The following CRACDL variants were observed in gnomAD, a reference collection of about 807,000 sequenced individuals.
CRACDL encodes CRACD-like protein.
CRACDL carries 26 observed loss-of-function variants against 70.6 expected under a neutral mutation model. The observed-to-expected ratio is 0.37, with a 90% confidence interval of 0.27 to 0.51. CRACDL has a LOEUF of 0.51. CRACDL is among the 20% of genes least tolerant of loss of function. CRACDL has a pLI of 0.94. For missense variants in CRACDL, 1,283 were observed against 1,376.9 expected, an observed-to-expected ratio of 0.93 and a Z score of 1.08; for synonymous variants, 618 against 615.2, an observed-to-expected ratio of 1.00 and a Z score of -0.07.
chr2:98,805,803 C>T (rs1704266930), intron 7 of CRACDL, among the ~76,000 whole-genome samples: 1 of 152,230 alleles, frequency 6.6e-6, no homozygotes, highest in Non-Finnish European at 1.5e-5. Flanking sequence ...GGCTCCTCAG[C>T]CGGCTCTCCT....
Position 98,821,877 on chromosome 2 carries a change from CT to C in CRACDL, c.2395del (p.Arg799GlyfsTer55). 6.2e-7 allele frequency: 1 copy of C among 1,607,170 alleles called. No homozygotes were observed. The stretch of plus-strand genomic sequence containing the variant: ...CTTACCAGCTCCCCTGCGCAGCGGC[CT>C]TTTCTCCGCCGTCCTGGGCTCCTTC... ...PRKEPRTAEK[R>X]PLRRGAEKSL... On this transcript the variant is annotated frameshift_variant, in exon 7 of 10. Coordinates refer to ENST00000397899, the MANE Select transcript of CRACDL (RefSeq NM_207362.3). LOFTEE classifies it high-confidence loss of function.
intron 7 of CRACDL, among the ~76,000 whole-genome samples, chr2:98,802,554 T>TA (rs1704121900): frequency 6.6e-6 from 1 of 152,300 alleles, no homozygotes. Context: ...GGTGTTCAAC[T>TA]ACGCCTACGT....
intron 1 of CRACDL, among the ~76,000 whole-genome samples, chr2:98,858,190 G>C (rs1294063664): frequency 1.3e-5 from 2 of 152,110 alleles, no homozygotes; most frequent in African/African-American, 4.8e-5. Flanking sequence ...GAAAAGCTGT[G>C]CTTATAAACA....
intron 7 of CRACDL, among the ~76,000 whole-genome samples, chr2:98,812,345 A>G (rs559904090): frequency 2.1e-4 from 32 of 152,210 alleles, no homozygotes; most frequent in Non-Finnish European, 3.4e-4. Flanking sequence ...GTACATTTCC[A>G]TTTATCTAGG....
chr2:98,834,663 C>T (rs369826079), intron 3 of CRACDL, among the ~76,000 whole-genome samples: 23 of 152,148 alleles, frequency 1.5e-4, no homozygotes, highest in African/African-American at 5.3e-4. Flanking sequence ...ACATTGACAA[C>T]TTTGTCTTTG....
intron 1 of CRACDL, among the ~76,000 whole-genome samples, chr2:98,901,905 C>T (rs1190169570): frequency 6.6e-6 from 1 of 152,120 alleles, no homozygotes; most frequent in African/African-American, 2.4e-5. Context: ...CCCAAGAACT[C>T]GCGAGCCGGG....
chr2:98,887,410 C>T (rs780277552), intron 1 of CRACDL, among the ~76,000 whole-genome samples: 1 of 152,080 alleles, frequency 6.6e-6, no homozygotes, highest in African/African-American at 2.4e-5. Context: ...TTTGCTTGGG[C>T]CCTGGAGGTC....
chr2:98,828,860 C>T (rs1705423383), intron 5 of CRACDL, among the ~76,000 whole-genome samples: 2 of 152,200 alleles, frequency 1.3e-5, no homozygotes, highest in Non-Finnish European at 2.9e-5. Flanking sequence ...GGCTTTGGCT[C>T]TCACTGTGGT....
chr2:98,813,801 T>G (rs1704670778), intron 7 of CRACDL, among the ~76,000 whole-genome samples: 1 of 152,190 alleles, frequency 6.6e-6, no homozygotes, highest in Non-Finnish European at 1.5e-5. Context: ...TATTTCTTCT[T>G]TAAATGCTTG....
intron 1 of CRACDL, among the ~76,000 whole-genome samples, chr2:98,901,840 G>T (rs1229938963): frequency 6.6e-6 from 1 of 152,160 alleles, no homozygotes; most frequent in Non-Finnish European, 1.5e-5. Flanking sequence ...ACAACAGCTT[G>T]CTGGGAACAC....
At chr2:98,860,130 C>T (rs1325745197) in intron 1 of CRACDL, among the ~76,000 whole-genome samples, 1 of 151,702 alleles carries the variant, frequency 6.6e-6, no homozygotes. Context: ...AAAATAACAA[C>T]GTTGAAAAAA....
Position 98,823,223 on chromosome 2 carries a change from G to A in CRACDL, c.1050C>T (p.Leu350=), listed in dbSNP as rs12987333. The A allele has an allele frequency of 2.1e-6, 3 of 1,417,482 alleles. No homozygotes were observed. The highest frequency in any genetic ancestry group is 2.8e-6 in the Non-Finnish European group (3 of 1,088,754). 87.8% of individuals were successfully genotyped at this position (1,417,482 alleles called of 1,614,324 possible). A position where few individuals can be genotyped will look rare whatever the true frequency, so the allele number is the denominator to read the frequency against. The change falls in exon 7 of 10, where the codon CTC becomes CTT. Residue 350 remains leucine (L), a synonymous_variant. Coordinates refer to ENST00000397899, the MANE Select transcript of CRACDL (RefSeq NM_207362.3). The surrounding 1 kb of genome is among the most constrained non-coding windows in gnomAD (Gnocchi z 4.0). ...CCGGCGGGGACGGGGGCTCCACGCGGAGAGTGGGGGCCGACTCGGGCTCGG... is the reference window on the plus strand; with the variant it reads ...CCGGCGGGGACGGGGGCTCCACGCGAAGAGTGGGGGCCGACTCGGGCTCGG... ...ELAEPESAPT[L]RVEPPSPPEG...
At chr2:98,875,421 CT>C (rs1449044404) in intron 1 of CRACDL, among the ~76,000 whole-genome samples, 1 of 152,236 alleles carries the variant, frequency 6.6e-6, no homozygotes, top group Non-Finnish European at 1.5e-5. Context: ...GCTGTGTCAT[CT>C]CAGACACTGT....
chr2:98,845,161 C>A (rs1341973980), intron 2 of CRACDL, among the ~76,000 whole-genome samples: 2 of 151,898 alleles, frequency 1.3e-5, no homozygotes, highest in Admixed American at 1.3e-4. Context: ...TGTTGTCTCT[C>A]CAGGTTGCCA....
chr2:98,811,636 A>G (rs1275654454), intron 7 of CRACDL, among the ~76,000 whole-genome samples: 2 of 152,094 alleles, frequency 1.3e-5, no homozygotes, highest in Non-Finnish European at 2.9e-5. Flanking sequence ...ACCGTCACAA[A>G]CAGGATACAG....
rs149532979 is a variant in CRACDL at position 98,925,349 on chromosome 2, G to A, written c.-11+10589C>T. Among the ~76,000 whole-genome samples, 62 of 152,338 alleles carry A rather than the reference G, an allele frequency of 4.1e-4. 1 individual carries two copies. In the East Asian group the frequency reaches 0.012, roughly 29 times the overall value. ...GGTTACCAGGACACTTCCTGACACTGTTTCCAAGTTCTCGGCTTGAGACAG... is the reference window on the plus strand; with the variant it reads ...GGTTACCAGGACACTTCCTGACACTATTTCCAAGTTCTCGGCTTGAGACAG... On this transcript the variant is annotated intron_variant, in intron 1 of 9. Coordinates refer to ENST00000397899, the MANE Select transcript of CRACDL (RefSeq NM_207362.3).
intron 1 of CRACDL, among the ~76,000 whole-genome samples, chr2:98,891,294 T>G (rs1024689900): frequency 6.9e-6 from 1 of 145,456 alleles, no homozygotes; most frequent in Non-Finnish European, 1.5e-5. Context: ...GGAGAATCAC[T>G]TGAATGTCGG....
chr2:98,890,143 C>A (rs1707923491), intron 1 of CRACDL, among the ~76,000 whole-genome samples: 1 of 151,836 alleles, frequency 6.6e-6, no homozygotes, highest in South Asian at 2.1e-4. Flanking sequence ...AGGAGAAAAA[C>A]AATAATAAAG....
intron 1 of CRACDL, among the ~76,000 whole-genome samples, chr2:98,914,219 A>C (rs2104681372): frequency 6.6e-6 from 1 of 152,302 alleles, no homozygotes; most frequent in South Asian, 2.1e-4. Context: ...TTCACTTCAG[A>C]GGTAATTGTA....
Sources: allele counts gnomAD v4.1 joint callset (sites outside exome capture counted in the v4.1 genomes callset), GRCh38; gene constraint gnomAD v4.1.1; non-coding constraint Gnocchi (gnomAD v3.1); transcripts MANE v1.5; gene names NCBI Gene and HGNC (gene_info 2026-07-23, HGNC 2026-07-21).